The following KCNK2 variants were observed in gnomAD, a reference collection of about 807,000 sequenced individuals.
The protein encoded by KCNK2 is potassium two pore domain channel subfamily K member 2, also known as potassium channel subfamily K member 2.
Under a neutral mutation model 40.5 loss-of-function variants are expected in KCNK2, and 21 were observed. That is an observed-to-expected ratio of 0.52 (90% CI 0.37 to 0.75). The LOEUF (loss-of-function observed/expected upper bound fraction) is 0.75. Among genes scored for constraint, KCNK2 ranks in the 30% least tolerant of loss-of-function variants. The pLI is 0.00. For missense variants in KCNK2, 399 were observed against 531.6 expected (o/e 0.75, Z 2.45); for synonymous variants, 191 against 202.2 (o/e 0.94, Z 0.47).
chr1:215,190,522 C>T (rs568993265), intron 5 of KCNK2, among the ~76,000 whole-genome samples: 2 of 152,280 alleles, frequency 1.3e-5, no homozygotes, highest in South Asian at 2.1e-4. Flanking sequence ...AGCTCTGCTA[C>T]CCCTTTCTTG....
At chr1:215,058,187 GC>G (rs1215155918) in intron 1 of KCNK2, among the ~76,000 whole-genome samples, 1 of 152,072 alleles carries the variant, frequency 6.6e-6, no homozygotes, top group Non-Finnish European at 1.5e-5. Flanking sequence ...TCACAGCCAT[GC>G]CCCTTCACTA....
chr1:215,105,554 C>T (rs1342886589), intron 2 of KCNK2, among the ~76,000 whole-genome samples: 3 of 151,944 alleles, frequency 2.0e-5, no homozygotes, highest in African/African-American at 7.3e-5. Flanking sequence ...TCTTGAATGT[C>T]CTGTTTTCAA....
chr1:215,080,167 C>T (rs1346449618), upstream of KCNK2, among the ~76,000 whole-genome samples: 9 of 152,220 alleles, frequency 5.9e-5, no homozygotes, highest in African/African-American at 2.2e-4. Flanking sequence ...AACAGAAGCG[C>T]TATGCAAGCA....
intron 3 of KCNK2, among the ~76,000 whole-genome samples, chr1:215,150,643 T>A (rs1315286899): frequency 1.3e-5 from 2 of 152,102 alleles, no homozygotes; most frequent in Non-Finnish European, 2.9e-5. Flanking sequence ...TTTTTCCATT[T>A]CACTTAGCAC....
intron 2 of KCNK2, among the ~76,000 whole-genome samples, chr1:215,093,841 T>A (rs868788884): frequency 1.3e-3 from 77 of 57,264 alleles, no homozygotes; most frequent in African/African-American, 4.1e-3. Context: ...TAAAATATAT[T>A]ATATATTATA....
intron 2 of KCNK2, among the ~76,000 whole-genome samples, chr1:215,119,744 A>G (rs1661097662): frequency 6.6e-6 from 1 of 152,186 alleles, no homozygotes; most frequent in African/African-American, 2.4e-5. Context: ...TAAGTTGTCA[A>G]CATGACTTGA....
chr1:215,034,836 A>G (rs754033522), intron 1 of KCNK2, among the ~76,000 whole-genome samples: 4 of 152,138 alleles, frequency 2.6e-5, no homozygotes, highest in Non-Finnish European at 5.9e-5. Context: ...ATGTACATAC[A>G]TATCTCTATG....
intron 3 of KCNK2, 52 bp from the exon 4 acceptor site, chr1:215,169,147 A>G (rs905730550): frequency 1.4e-6 from 2 of 1,434,772 alleles, no homozygotes; most frequent in Non-Finnish European, 1.9e-6. Flanking sequence ...TCTTGAGTTC[A>G]TATGTTTTAA....
chr1:215,105,827 T>C (rs951997140), intron 2 of KCNK2, among the ~76,000 whole-genome samples: 13 of 152,228 alleles, frequency 8.5e-5, no homozygotes, highest in African/African-American at 3.1e-4. Context: ...TTCCTACTTA[T>C]AAGTGAGAAC....
At chr1:215,191,917 G>A (rs966288917) in intron 5 of KCNK2, among the ~76,000 whole-genome samples, 2 of 152,084 alleles carry the variant, frequency 1.3e-5, no homozygotes, top group Admixed American at 6.5e-5. Flanking sequence ...AAAACAGAGC[G>A]TGGGAGACAG....
intron 1 of KCNK2, among the ~76,000 whole-genome samples, chr1:215,066,409 G>A (rs771385022): frequency 8.6e-5 from 13 of 151,940 alleles, no homozygotes; most frequent in African/African-American, 2.7e-4. Flanking sequence ...GCTACTGAAC[G>A]TAACCAAAAT....
At position 215,197,940 on chromosome 1, in the gene KCNK2, A is replaced by C. The variant is rs577239483; in HGVS notation, c.963+2848A>C. ...TTTGAACCTGGGAGGCGAAGGTTGC[A>C]GTGAGCAGAGATGGCGCTACTGTAC... On this transcript the variant is annotated intron_variant, in intron 6 of 6. Coordinates refer to ENST00000444842, the MANE Select transcript of KCNK2 (RefSeq NM_001017425.3). 3.3e-5 allele frequency among the ~76,000 whole-genome samples: 5 copies of C among 152,276 alleles called. No homozygotes were observed. The East Asian group carries it at 9.7e-4, about 29-fold the overall frequency.
chr1:215,030,032 G>C (rs548359160), intron 1 of KCNK2, among the ~76,000 whole-genome samples: 4 of 152,300 alleles, frequency 2.6e-5, no homozygotes, highest in Non-Finnish European at 5.9e-5. Flanking sequence ...CACCAGAAAT[G>C]AACAAGAGTT....
intron 6 of KCNK2, among the ~76,000 whole-genome samples, chr1:215,218,902 T>C (rs11120521): frequency 0.88 from 133,277 of 152,246 alleles, 61,074 homozygotes; most frequent in East Asian, 1. Context: ...ATGATGAGTA[T>C]GAAATAGTGC....
At chr1:215,094,783 G>T (rs1659906781) in intron 2 of KCNK2, among the ~76,000 whole-genome samples, 1 of 151,998 alleles carries the variant, frequency 6.6e-6, no homozygotes, top group African/African-American at 2.4e-5. Context: ...TGAGAAAAAT[G>T]CCATATAAGT....
At chr1:215,116,613 G>A (rs938833712) in intron 2 of KCNK2, among the ~76,000 whole-genome samples, 16 of 152,136 alleles carry the variant, frequency 1.1e-4, no homozygotes, top group Middle Eastern at 3.4e-3. Context: ...TTTGACACTC[G>A]ATTGCATAAT....
chr1:215,026,780 C>T (rs1657015157), intron 1 of KCNK2, among the ~76,000 whole-genome samples: 1 of 151,968 alleles, frequency 6.6e-6, no homozygotes, highest in Admixed American at 6.6e-5. Context: ...TGAAACATAA[C>T]TGAATCTTGG....
intron 1 of KCNK2, among the ~76,000 whole-genome samples, chr1:215,040,707 A>G (rs897610051): frequency 2.6e-5 from 4 of 152,164 alleles, no homozygotes; most frequent in Non-Finnish European, 5.9e-5. Context: ...CTTGCTAGCT[A>G]TGAGGTCTTG....
chr1:215,093,814 A>T (rs1435717071), intron 2 of KCNK2, among the ~76,000 whole-genome samples: 1 of 27,234 alleles, frequency 3.7e-5, no homozygotes, highest in East Asian at 1.4e-3. Context: ...AATATATTAT[A>T]TATTATATAT....
Sources: gnomAD v4.1 joint callset for allele counts (sites outside exome capture counted in the v4.1 genomes callset) on GRCh38, gnomAD v4.1.1 for gene constraint, MANE v1.5 for transcripts, NCBI Gene and HGNC (gene_info 2026-07-23, HGNC 2026-07-21) for gene names.